CFAP299: variants seen among roughly 807,000 people sequenced by gnomAD.
CFAP299 encodes the protein cilia- and flagella-associated protein 299.
CFAP299 carries 21 observed loss-of-function variants against 27.0 expected under a neutral mutation model. That is an observed-to-expected ratio of 0.78 (90% CI 0.55 to 1.12). The LOEUF (loss-of-function observed/expected upper bound fraction) is 1.12. Among genes scored for constraint, CFAP299 ranks in the 50% most tolerant of loss-of-function variants. CFAP299 has a pLI of 0.00. For synonymous variants in CFAP299, 104 were observed against 98.1 expected (o/e 1.06, Z -0.36); for missense variants, 310 against 276.6 (o/e 1.12, Z -0.86).
In CFAP299 at chr4:80,458,947, C is replaced by T. The variant is rs149277193; in HGVS notation, c.242+96063C>T. 1.1e-3 allele frequency among the ~76,000 whole-genome samples: 162 copies of T among 152,030 alleles called. 1 individual carries two copies. The highest frequency in any genetic ancestry group is 3.7e-3 in the African/African-American group (153 of 41,494). ...TGGTTGAGACAATTAAAGCTCTTTGCGGATGGGACTTCTTTTTTTTTAATT... is the reference window on the plus strand; with the variant it reads ...TGGTTGAGACAATTAAAGCTCTTTGTGGATGGGACTTCTTTTTTTTTAATT... On this transcript the variant is annotated intron_variant, in intron 2 of 5. Transcript: ENST00000358105.
intron 2 of CFAP299, among the ~76,000 whole-genome samples, chr4:80,431,127 G>A (rs1222351721): frequency 6.6e-6 from 1 of 152,102 alleles, no homozygotes; most frequent in Non-Finnish European, 1.5e-5. Flanking sequence ...GTCTAACATA[G>A]TACATATTGT....
intron 3 of CFAP299, among the ~76,000 whole-genome samples, chr4:80,797,797 A>C (rs893498891): frequency 1.6e-4 from 25 of 151,672 alleles, no homozygotes; most frequent in Admixed American, 1.1e-3. Flanking sequence ...TGACTAATCC[A>C]CTCCACCATC....
chr4:80,850,567 T>C (rs1048728499), intron 3 of CFAP299, among the ~76,000 whole-genome samples: 4 of 152,004 alleles, frequency 2.6e-5, no homozygotes, highest in Non-Finnish European at 5.9e-5. Flanking sequence ...TGAAATTAAA[T>C]ACCTTACACA....
At chr4:80,435,487 G>A (rs1274420774) in intron 2 of CFAP299, among the ~76,000 whole-genome samples, 1 of 152,104 alleles carries the variant, frequency 6.6e-6, no homozygotes, top group African/African-American at 2.4e-5. Context: ...ACAACAACAT[G>A]GCCTGAAAAA....
At chr4:80,790,305 A>G (rs940748958) in intron 3 of CFAP299, 1 of 152,080 alleles carries the variant, frequency 6.6e-6, no homozygotes, top group Admixed American at 6.6e-5. Flanking sequence ...GATAACACAT[A>G]GAAATTTCAC....
At chr4:80,580,159 CTG>C (rs749454814) in intron 2 of CFAP299, among the ~76,000 whole-genome samples, 2 of 152,078 alleles carry the variant, frequency 1.3e-5, no homozygotes, top group African/African-American at 2.4e-5. Context: ...TTGAATAAGA[CTG>C]TAGTAGGAAG....
chr4:80,501,696 TA>T (rs1731756547), intron 2 of CFAP299, among the ~76,000 whole-genome samples: 1 of 151,592 alleles, frequency 6.6e-6, no homozygotes, highest in Non-Finnish European at 1.5e-5. Flanking sequence ...TCAACATTTG[TA>T]AACACAGAAA....
intron 3 of CFAP299, among the ~76,000 whole-genome samples, chr4:80,609,346 CTAT>C (rs1275696094): frequency 6.6e-6 from 1 of 151,990 alleles, no homozygotes; most frequent in Non-Finnish European, 1.5e-5. Context: ...ATCTTGATAA[CTAT>C]GTCATGCTGT....
rs556968862 is a variant in CFAP299 at position 80,466,198 on chromosome 4, C to T, written c.242+103314C>T. On this transcript the variant is annotated intron_variant, in intron 2 of 5. Transcript: ENST00000358105. ...AATAGCTTTGATGTAATGTCACCTT[C>T]GACCTGAATGGCATCTACTTAAATG... Among the ~76,000 whole-genome samples the T allele has an allele frequency of 1.5e-4, 23 of 152,284 alleles. 1 individual carries two copies. Among genetic ancestry groups the T allele is most frequent in the African/African-American group, 5.5e-4 (23 of 41,552 alleles).
intron 3 of CFAP299, among the ~76,000 whole-genome samples, chr4:80,633,498 C>A (rs921991288): frequency 1.5e-4 from 23 of 152,002 alleles, no homozygotes; most frequent in Admixed American, 8.5e-4. Flanking sequence ...GGCTACTAAA[C>A]TTTCTAAATT....
chr4:80,926,221 G>C (rs1034824719), intron 4 of CFAP299, among the ~76,000 whole-genome samples: 2 of 151,972 alleles, frequency 1.3e-5, no homozygotes, highest in Non-Finnish European at 2.9e-5. Context: ...AAAATATGAA[G>C]TTTGGAGTGC....
At chr4:80,864,416 G>A (rs1732566342) in intron 3 of CFAP299, among the ~76,000 whole-genome samples, 1 of 142,612 alleles carries the variant, frequency 7.0e-6, no homozygotes, top group Non-Finnish European at 1.5e-5. Context: ...GTGTGTGTAT[G>A]TGTATATATA....
At chr4:80,797,644 C>A (rs1035357118) in intron 3 of CFAP299, among the ~76,000 whole-genome samples, 5 of 152,108 alleles carry the variant, frequency 3.3e-5, no homozygotes, top group Non-Finnish European at 5.9e-5. Flanking sequence ...ACTGTGGTTC[C>A]CACTGTTAGG....
chr4:80,430,688 AGAGACTCCT>A (rs1333051822), intron 2 of CFAP299, among the ~76,000 whole-genome samples: 1 of 152,146 alleles, frequency 6.6e-6, no homozygotes, highest in Non-Finnish European at 1.5e-5. Flanking sequence ...TCTAGTACAT[AGAGACTCCT>A]GAGCATCCCT....
At chr4:80,580,843 C>T (rs1736127493) in intron 2 of CFAP299, among the ~76,000 whole-genome samples, 1 of 151,944 alleles carries the variant, frequency 6.6e-6, no homozygotes, top group Admixed American at 6.6e-5. Context: ...ATATGTGTTA[C>T]TTTTAAGCAG....
intron 3 of CFAP299, among the ~76,000 whole-genome samples, chr4:80,633,353 C>A (rs10033769): frequency 0.62 from 93,828 of 151,928 alleles, 32,241 homozygotes; most frequent in Non-Finnish European, 0.76. Flanking sequence ...GCAGGAGAAT[C>A]GCTTGAAGCT....
At position 80,727,142 on chromosome 4, in the gene CFAP299, G is replaced by A. The variant is rs1030754926; in HGVS notation, c.334-142851G>A. ...ATATTTCCTTTCAATATGAAAGAAC[G>A]TCTATGTATCTTTTCTGGAAAAAAT... is the stretch of plus-strand genomic sequence containing the variant. On this transcript the variant is annotated intron_variant, in intron 3 of 5. Coordinates refer to ENST00000358105, the MANE Select transcript of CFAP299 (RefSeq NM_152770.3). Among the ~76,000 whole-genome samples, 10 of 152,062 alleles carry A rather than the reference G, an allele frequency of 6.6e-5. 1 individual carries two copies. The highest frequency in any genetic ancestry group is 4.2e-4 in the South Asian group (2 of 4,814).
intron 4 of CFAP299, chr4:80,872,921 C>CTT (rs869188460): frequency 9.1e-5 from 60 of 659,764 alleles, no homozygotes; most frequent in East Asian, 1.6e-4. Context: ...AGTTCTTCTT[C>CTT]TTTTTTTTTT....
intron 2 of CFAP299, among the ~76,000 whole-genome samples, chr4:80,396,012 T>C (rs1725766794): frequency 6.6e-6 from 1 of 152,174 alleles, no homozygotes; most frequent in Non-Finnish European, 1.5e-5. Context: ...CTGCCTTTTA[T>C]AGGCTTAGAG....
Sources: gnomAD v4.1 joint callset for allele counts (sites outside exome capture counted in the v4.1 genomes callset) on GRCh38, gnomAD v4.1.1 for gene constraint, MANE v1.5 for transcripts, NCBI Gene and HGNC (gene_info 2026-07-23, HGNC 2026-07-21) for gene names.